Variants in ZNF385D observed in about 807,000 individuals in gnomAD.
The protein encoded by ZNF385D is zinc finger protein 659.
ZNF385D carries 15 observed loss-of-function variants against 35.8 expected under a neutral mutation model. The ratio of observed to expected loss-of-function variants is 0.42; its 90% CI spans 0.28 to 0.64. The LOEUF is 0.64. Among genes scored for constraint, ZNF385D ranks in the 30% least tolerant of loss-of-function variants. ZNF385D has a pLI of 0.23. For missense variants in ZNF385D, 474 were observed against 494.6 expected, an observed-to-expected ratio of 0.96 and a Z score of 0.39; for synonymous variants, 212 against 186.8, an observed-to-expected ratio of 1.13 and a Z score of -1.10.
At chr3:21,708,956 TTAAAGGCAAAGGTTTGTTTCGAAAGC>T (rs1478552764) in intron 1 of ZNF385D, among the ~76,000 whole-genome samples, 1 of 152,066 alleles carries the variant, frequency 6.6e-6, no homozygotes, top group Non-Finnish European at 1.5e-5. Context: ...CAGTTTCTCC[TTAAAGGCAAAGGTTTGTTTCGAAAGC>T]TTCCATGGTA....
intron 3 of ZNF385D, among the ~76,000 whole-genome samples, chr3:22,030,271 A>ATG: frequency 1.0e-5 from 1 of 95,564 alleles, no homozygotes; most frequent in South Asian, 3.7e-4. Flanking sequence ...ATATATATAT[A>ATG]TATATATATA....
At chr3:21,794,488 G>C (rs935346496) in intron 3 of ZNF385D, among the ~76,000 whole-genome samples, 2 of 152,080 alleles carry the variant, frequency 1.3e-5, no homozygotes, top group African/African-American at 2.4e-5. Flanking sequence ...ATACACAACA[G>C]GAAGTTATTT....
intron 3 of ZNF385D, among the ~76,000 whole-genome samples, chr3:21,764,028 C>T (rs2070728501): frequency 6.6e-6 from 1 of 152,072 alleles, no homozygotes; most frequent in African/African-American, 2.4e-5. Flanking sequence ...ATGGCTACAA[C>T]AATCTGTTGA....
intron 2 of ZNF385D, among the ~76,000 whole-genome samples, chr3:22,218,041 TC>T (rs1250786979): frequency 6.6e-6 from 1 of 152,042 alleles, no homozygotes; most frequent in East Asian, 1.9e-4. Flanking sequence ...ACACAGCAAG[TC>T]CTTTCACCTT....
At chr3:21,961,554 T>A (rs906486956) in intron 3 of ZNF385D, 2 of 152,264 alleles carry the variant, frequency 1.3e-5, no homozygotes, top group Non-Finnish European at 2.9e-5. Context: ...TAGTGATAAA[T>A]AAATTTATTT....
chr3:21,734,540 A>G (rs531327331), intron 1 of ZNF385D, among the ~76,000 whole-genome samples: 4 of 147,556 alleles, frequency 2.7e-5, no homozygotes, highest in South Asian at 4.3e-4. Context: ...TACAGTGGGG[A>G]AAAAAAAAAC....
intron 2 of ZNF385D, among the ~76,000 whole-genome samples, chr3:22,268,044 AG>A (rs1350098571): frequency 1.1e-4 from 16 of 152,004 alleles, no homozygotes; most frequent in African/African-American, 3.9e-4. Flanking sequence ...ATGCACTACA[AG>A]AGACCAATTA....
At position 21,421,249 on chromosome 3, in the gene ZNF385D, T is replaced by C. The variant is rs758295285; in HGVS notation, c.1153A>G (p.Thr385Ala). The change falls in exon 8 of 8, where the codon ACC becomes GCC. Residue 385 changes from threonine to alanine, a missense_variant. Coordinates refer to ENST00000281523, the MANE Select transcript of ZNF385D (RefSeq NM_024697.3). ...GCAAACAGCACAGGAGTGTGGGCGG[T>C]CCGAATGGGTCCAGGAGCTGGCCGC... ...LLRPAPGPIR[T>A]AHTPVLFAPY is the part of the protein sequence containing the mutation. 5 of 1,613,948 alleles carry C rather than the reference T, an allele frequency of 3.1e-6. No individual in the cohort carries two copies. In the South Asian group the frequency reaches 4.4e-5, roughly 14 times the overall value.
chr3:22,158,820 G>A (rs112049392), intron 3 of ZNF385D, among the ~76,000 whole-genome samples: 3 of 151,964 alleles, frequency 2.0e-5, no homozygotes, highest in South Asian at 2.1e-4. Flanking sequence ...GCCTCAGAAT[G>A]CAAAATAACT....
intron 2 of ZNF385D, among the ~76,000 whole-genome samples, chr3:22,322,226 T>C (rs1377336974): frequency 2.0e-5 from 3 of 152,226 alleles, no homozygotes; most frequent in Non-Finnish European, 4.4e-5. Context: ...TCCTAACATG[T>C]AGTACCTGTT....
intron 2 of ZNF385D, among the ~76,000 whole-genome samples, chr3:22,224,426 TTCTA>T (rs1698437681): frequency 6.6e-6 from 1 of 152,200 alleles, no homozygotes; most frequent in South Asian, 2.1e-4. Flanking sequence ...TTACCTCAGA[TTCTA>T]TCTCTCTGTA....
intron 5 of ZNF385D, among the ~76,000 whole-genome samples, chr3:21,435,076 C>T (rs1701483511): frequency 6.6e-6 from 1 of 152,022 alleles, no homozygotes; most frequent in Non-Finnish European, 1.5e-5. Flanking sequence ...TAATCAGAAT[C>T]CCTGGGCATA....
At chr3:21,679,887 G>A (rs1351226030) in intron 1 of ZNF385D, among the ~76,000 whole-genome samples, 1 of 152,018 alleles carries the variant, frequency 6.6e-6, no homozygotes, top group East Asian at 1.9e-4. Flanking sequence ...ATGATCTCAT[G>A]GTAACCCATA....
chr3:22,000,493 A>G (rs1695771056), intron 3 of ZNF385D, among the ~76,000 whole-genome samples: 1 of 152,176 alleles, frequency 6.6e-6, no homozygotes, highest in Non-Finnish European at 1.5e-5. Context: ...GTGTATCATC[A>G]AGAAATAATA....
intron 3 of ZNF385D, among the ~76,000 whole-genome samples, chr3:22,081,371 C>T (rs1700741858): frequency 6.6e-6 from 1 of 152,112 alleles, no homozygotes; most frequent in Non-Finnish European, 1.5e-5. Flanking sequence ...TGCTCAGCCT[C>T]CATGTCCTAA....
intron 3 of ZNF385D, among the ~76,000 whole-genome samples, chr3:22,086,141 A>C (rs13099801): frequency 0.12 from 18,779 of 152,250 alleles, 1,286 homozygotes; most frequent in Non-Finnish European, 0.16. Flanking sequence ...GAAAACTGGC[A>C]CAAGACAGGG....
Position 22,303,693 on chromosome 3 carries a change from A to G in ZNF385D, c.106+68757T>C, listed in dbSNP as rs75889228. On this transcript the variant is annotated intron_variant, in intron 2 of 5. Transcript: ENST00000494108. ...TTTATGTTGTATATACGTTTACGGT[A>G]TATGTTTAATGTAAAAAATCATATG... Among the ~76,000 whole-genome samples the G allele has an allele frequency of 9.2e-3, 1,393 of 152,238 alleles. 19 individuals are homozygous for G. The highest frequency in any genetic ancestry group is 0.051 in the South Asian group (244 of 4,830).
chr3:21,454,051 T>C (rs1702626817), intron 4 of ZNF385D, among the ~76,000 whole-genome samples: 1 of 152,090 alleles, frequency 6.6e-6, no homozygotes. Context: ...TGTTACAACA[T>C]GGATGAACCT....
At chr3:22,324,947 G>A (rs9835064) in intron 2 of ZNF385D, among the ~76,000 whole-genome samples, 7 of 151,960 alleles carry the variant, frequency 4.6e-5, no homozygotes, top group African/African-American at 7.3e-5. Flanking sequence ...GTATGACCTT[G>A]AGCAAGACAC....
Sources: allele counts gnomAD v4.1 joint callset (sites outside exome capture counted in the v4.1 genomes callset), GRCh38; gene constraint gnomAD v4.1.1; transcripts MANE v1.5; gene names NCBI Gene and HGNC (gene_info 2026-07-23, HGNC 2026-07-21).